KANK1: variants seen among roughly 807,000 people sequenced by gnomAD.
The protein encoded by KANK1 is KN motif and ankyrin repeat domain-containing protein 1.
A neutral mutation model predicts 106.2 loss-of-function variants in KANK1; 109 were observed. That is an observed-to-expected ratio of 1.03 (90% CI 0.88 to 1.20). KANK1 has a LOEUF of 1.20. Ranked by LOEUF, KANK1 falls within the 50% of genes most tolerant of loss-of-function variation. The pLI is 0.00. For synonymous variants in KANK1, 873 were observed against 652.2 expected (o/e 1.34, Z -5.16); for missense variants, 2,399 against 1,710.7 (o/e 1.40, Z -7.10).
chr9:622,228 C>G (rs1833311321), intron 1 of KANK1, among the ~76,000 whole-genome samples: 1 of 152,166 alleles, frequency 6.6e-6, no homozygotes, highest in Admixed American at 6.5e-5. Context: ...CCATAAAAGA[C>G]TTCCCTTGGA....
In KANK1 at chr9:524,190, T is replaced by C. The variant is rs556719483; in HGVS notation, c.-84+19436T>C. Among the ~76,000 whole-genome samples the C allele has an allele frequency of 7.7e-4, 117 of 151,962 alleles. 3 individuals carry two copies. The highest frequency in any genetic ancestry group is 2.8e-3 in the African/African-American group (114 of 41,216). The stretch of plus-strand genomic sequence containing the variant: ...CCAGGATGCCAGGAACTAAGTGTCA[T>C]GCTCAGTTGTGAAAGTGATTGGCTT... On this transcript the variant is annotated intron_variant, in intron 1 of 11. Transcript: ENST00000382297.
At position 580,589 on chromosome 9, in the gene KANK1, C is replaced by G. The variant is rs375270375; in HGVS notation, c.-84+75835C>G. 3.3e-5 allele frequency among the ~76,000 whole-genome samples: 5 copies of G among 152,330 alleles called. No individual in the cohort carries two copies. In the East Asian group the frequency reaches 9.6e-4, roughly 29 times the overall value. On this transcript the variant is annotated intron_variant, in intron 1 of 11. Coordinates refer to ENST00000382297, the MANE Select transcript of KANK1 (RefSeq NM_015158.5). ...AGATCAGCTAGACACAGAGCACTGACTGGTGCATTTGCAAACCTTGAGCTA... is the reference window on the plus strand; with the variant it reads ...AGATCAGCTAGACACAGAGCACTGAGTGGTGCATTTGCAAACCTTGAGCTA...
chr9:659,891 C>T (rs1842924355), intron 1 of KANK1: 1 of 162,660 alleles, frequency 6.1e-6, no homozygotes, highest in African/African-American at 2.4e-5. Context: ...CTGAAGAGGC[C>T]CGAGTCACTG....
At chr9:638,868 G>C (rs1431427103) in intron 1 of KANK1, among the ~76,000 whole-genome samples, 1 of 152,204 alleles carries the variant, frequency 6.6e-6, no homozygotes, top group African/African-American at 2.4e-5. Context: ...GGAAGAGACA[G>C]ATAAAAGGGC....
intron 1 of KANK1, among the ~76,000 whole-genome samples, chr9:580,775 C>G (rs536029445): frequency 2.6e-5 from 4 of 152,252 alleles, no homozygotes; most frequent in Admixed American, 2.6e-4. Context: ...CGCCCGCACT[C>G]CTGAGCCCTT....
Position 732,487 on chromosome 9 carries a change from G to A in KANK1, c.3115G>A (p.Glu1039Lys). 3.1e-6 allele frequency: 5 copies of A among 1,614,148 alleles called. No individual in the cohort carries two copies. Among genetic ancestry groups the A allele is most frequent in the Non-Finnish European group, 4.2e-6 (5 of 1,180,030 alleles). ...TCCTCTTGAAGAAGAGGAGGAGGAG[G>A]AGGATGAAGACACTCGGGGAATGGC... ...EYPLEEEEEE[E>K]DEDTRGMAEG... is the part of the protein sequence containing the mutation. Residue 1039 changes from glutamate to lysine, a missense_variant, in exon 6 of 12, where the codon GAG becomes AAG. Transcript: ENST00000382297.
At chr9:644,133 G>T (rs1839139532) in intron 1 of KANK1, among the ~76,000 whole-genome samples, 1 of 150,996 alleles carries the variant, frequency 6.6e-6, no homozygotes, top group African/African-American at 2.5e-5. Flanking sequence ...CTAATAATGT[G>T]GTAATGCTAG....
rs147619888 is a variant in KANK1 at position 703,318 on chromosome 9, C to T, written c.38-7486C>T. ...GCATTGTTGATATATGCCTTTGTCACTGATCTCAATTAGTGTTAAGGGTGT... is the reference window on the plus strand; with the variant it reads ...GCATTGTTGATATATGCCTTTGTCATTGATCTCAATTAGTGTTAAGGGTGT... On this transcript the variant is annotated intron_variant, in intron 2 of 11. Coordinates refer to ENST00000382297, the MANE Select transcript of KANK1 (RefSeq NM_015158.5). 2.9e-3 allele frequency among the ~76,000 whole-genome samples: 439 copies of T among 151,406 alleles called. 6 individuals carry two copies. Among genetic ancestry groups the T allele is most frequent in the African/African-American group, 0.01 (415 of 41,472 alleles).
intron 1 of KANK1, among the ~76,000 whole-genome samples, chr9:633,221 C>A (rs958660149): frequency 6.6e-6 from 1 of 152,044 alleles, no homozygotes; most frequent in Non-Finnish European, 1.5e-5. Context: ...ACTTTGAGAG[C>A]CGAGGCGGGC....
intron 1 of KANK1, among the ~76,000 whole-genome samples, chr9:585,703 G>A (rs949281503): frequency 6.6e-6 from 1 of 152,136 alleles, no homozygotes; most frequent in Non-Finnish European, 1.5e-5. Flanking sequence ...AATTGTTTGC[G>A]AGGTCGGCAT....
chr9:704,553 A>C (rs983421040), intron 2 of KANK1, among the ~76,000 whole-genome samples: 2 of 152,194 alleles, frequency 1.3e-5, no homozygotes, highest in Non-Finnish European at 2.9e-5. Flanking sequence ...GGAGGGGATA[A>C]TGCATACTAA....
At chr9:723,978 C>T (rs1170509739) in intron 3 of KANK1, among the ~76,000 whole-genome samples, 3 of 149,590 alleles carry the variant, frequency 2.0e-5, no homozygotes, top group Non-Finnish European at 4.4e-5. Context: ...TTTTGTACGT[C>T]TGTGGTCCCA....
chr9:678,631 G>A (rs1563974396), intron 2 of KANK1, among the ~76,000 whole-genome samples: 2 of 152,150 alleles, frequency 1.3e-5, no homozygotes, highest in Non-Finnish European at 2.9e-5. Context: ...AGGAGGCTAA[G>A]ACAGGAATGG....
chr9:552,477 T>C (rs1196340780), intron 1 of KANK1, among the ~76,000 whole-genome samples: 1 of 152,190 alleles, frequency 6.6e-6, no homozygotes, highest in East Asian at 1.9e-4. Context: ...TCTAGAAGAT[T>C]CTTAAGTGAC....
chr9:545,385 G>A (rs2060865790), intron 1 of KANK1, among the ~76,000 whole-genome samples: 1 of 152,182 alleles, frequency 6.6e-6, no homozygotes, highest in African/African-American at 2.4e-5. Context: ...TCAGAAAAGA[G>A]AAAGAGCAGA....
At chr9:574,110 A>G (rs542538144) in intron 1 of KANK1, among the ~76,000 whole-genome samples, 35 of 152,234 alleles carry the variant, frequency 2.3e-4, no homozygotes, top group Non-Finnish European at 5.0e-4. Context: ...CTGATGCATC[A>G]CTAACATCAT....
intron 3 of KANK1, among the ~76,000 whole-genome samples, chr9:723,876 T>C (rs897196024): frequency 1.3e-5 from 2 of 150,886 alleles, no homozygotes; most frequent in African/African-American, 4.9e-5. Context: ...GTGGATAGCT[T>C]GAACCCAGCA....
chr9:735,522 A>G (rs1833553364), intron 7 of KANK1, among the ~76,000 whole-genome samples: 2 of 152,216 alleles, frequency 1.3e-5, no homozygotes, highest in South Asian at 4.1e-4. Context: ...AGGCCAGACT[A>G]ACCCCCTGGT....
At chr9:470,917 C>T (rs1332415862) in intron 2 of KANK1, 2 of 152,314 alleles carry the variant, frequency 1.3e-5, no homozygotes, top group African/African-American at 2.4e-5. Flanking sequence ...AGATTTGAAG[C>T]TCAGGACATT....
Sources: gnomAD v4.1 joint callset for allele counts (sites outside exome capture counted in the v4.1 genomes callset) on GRCh38, gnomAD v4.1.1 for gene constraint, MANE v1.5 for transcripts, NCBI Gene and HGNC (gene_info 2026-07-23, HGNC 2026-07-21) for gene names.